The following L1CAM variants were observed in gnomAD, a reference collection of about 807,000 sequenced individuals.
L1CAM encodes the protein neural cell adhesion molecule L1.
Under a neutral mutation model 93.0 loss-of-function variants are expected in L1CAM, and 8 were observed. The ratio of observed to expected loss-of-function variants is 0.09; its 90% CI spans 0.05 to 0.16. The LOEUF is 0.16. L1CAM is among the 10% of genes least tolerant of loss of function. L1CAM has a pLI of 1.00. For missense variants in L1CAM, 777 were observed against 1,073.4 expected, an observed-to-expected ratio of 0.72 and a Z score of 3.86; for synonymous variants, 453 against 453.0, an observed-to-expected ratio of 1.00 and a Z score of 0.00.
chrX:153,863,392 G>A lies in L1CAM; in HGVS notation c.3531-13C>T, dbSNP rs372190403. 8 of 1,209,108 alleles carry A rather than the reference G, an allele frequency of 6.6e-6. No individual in the cohort carries two copies. The highest frequency in any genetic ancestry group is 2.3e-4 in the Middle Eastern group (1 of 4,369). ...CCTCTCCAGGGACCTGAAGTCACCC[G>A]GCAGCACAGAGAAGAGAGAGAGGGG... On this transcript the variant is annotated splice_polypyrimidine_tract_variant and intron_variant, in intron 27 of 28. Transcript: ENST00000370060.
rs782455889 is a variant in L1CAM at position 153,864,579 on chromosome X, G to A, written c.3166+6C>T. On this transcript the variant is annotated splice_donor_region_variant and intron_variant, in intron 24 of 28. Transcript: ENST00000370060. Reference sequence around the variant, plus strand: ...ACCACGCCCCAAGGCCCCCTTTCACGCTTACCTCCCAAGGCTTTGAACAAG... The same window carrying A: ...ACCACGCCCCAAGGCCCCCTTTCACACTTACCTCCCAAGGCTTTGAACAAG... 1.6e-5 allele frequency: 19 copies of A among 1,185,574 alleles called. No individual in the cohort carries two copies. Among genetic ancestry groups the A allele is most frequent in the South Asian group, 3.6e-5 (2 of 56,089 alleles).
intron 1 of L1CAM, among the ~76,000 whole-genome samples, chrX:153,882,039 C>G (rs1211466089): frequency 1.5e-4 from 17 of 111,185 alleles, no homozygotes; most frequent in African/African-American, 4.9e-4. Flanking sequence ...AGGGAGAGGC[C>G]CTGGCCCACA....
chrX:153,875,685 G>C (rs1286700319), intron 2 of L1CAM, 76 bp downstream of exon 2: 1 of 903,988 alleles, frequency 1.1e-6, no homozygotes, highest in Non-Finnish European at 1.6e-6. Flanking sequence ...ACAGGGAGAA[G>C]GTGAGGAGGT....
Position 153,875,840 on chromosome X carries a change from T to C in L1CAM, c.-4A>G, listed in dbSNP as rs2064809670. ...CGTACCGCAGCGCCACGACCATCTTTCCCGGCGGCACCGCGCAGCACAGCC... is the reference window on the plus strand; with the variant it reads ...CGTACCGCAGCGCCACGACCATCTTCCCCGGCGGCACCGCGCAGCACAGCC... On this transcript the variant is annotated 5_prime_UTR_variant, in exon 2 of 29. Transcript: ENST00000370060. 3 of 1,204,330 alleles carry C rather than the reference T, an allele frequency of 2.5e-6. No individual in the cohort carries two copies. The East Asian group carries it at 8.9e-5, about 36-fold the overall frequency.
rs1557089768 is a variant in L1CAM at position 153,863,868 on chromosome X, G to A, written c.3457+15C>T. The A allele has an allele frequency of 1.2e-5, 15 of 1,211,913 alleles. No homozygotes were observed. The highest frequency in any genetic ancestry group is 2.2e-5 in the Admixed American group (1 of 46,139). On this transcript the variant is annotated intron_variant, in intron 26 of 28. Coordinates refer to ENST00000370060, the MANE Select transcript of L1CAM (RefSeq NM_001278116.2). ...CCCTCGGCTCCACCCCCGTCACGTGGGGCTCAGAGGCTACCTGAGTATTTG... is the reference window on the plus strand; with the variant it reads ...CCCTCGGCTCCACCCCCGTCACGTGAGGCTCAGAGGCTACCTGAGTATTTG...
Position 153,870,881 on chromosome X carries a change from G to C in L1CAM, c.603C>G (p.Ser201=), listed in dbSNP as rs782223025. 8 of 1,210,997 alleles carry C rather than the reference G, an allele frequency of 6.6e-6. No individual in the cohort carries two copies. The Middle Eastern group carries it at 1.6e-3, about 243-fold the overall frequency. ...GNLYFANVLT[S]DNHSDYICHA... The stretch of plus-strand genomic sequence containing the variant: ...GGCAGATGTAGTCTGAGTGGTTGTC[G>C]GAGGTGAGCACATTGGCAAAGTAGA... Residue 201 remains serine, a synonymous_variant, in exon 7 of 29, where the codon TCC becomes TCG. Coordinates refer to ENST00000370060, the MANE Select transcript of L1CAM (RefSeq NM_001278116.2).
intron 1 of L1CAM, chrX:153,884,354 G>A (rs2064865966): frequency 2.7e-6 from 2 of 729,151 alleles, no homozygotes; most frequent in African/African-American, 2.2e-5. Flanking sequence ...GCTCAGCAGG[G>A]AGCTGGCAGC....
chrX:153,869,423 G>T, intron 11 of L1CAM, 97 bp downstream of exon 11: 1 of 1,008,846 alleles, frequency 9.9e-7, no homozygotes, highest in Non-Finnish European at 1.4e-6. Flanking sequence ...GTAGGCCGAG[G>T]ACACATCAGC....
intron 28 of L1CAM, 54 bp downstream of exon 28, chrX:153,863,314 C>T (rs782695445): frequency 3.5e-5 from 41 of 1,173,558 alleles, no homozygotes; most frequent in African/African-American, 7.1e-5. Context: ...ACCAGGCGCA[C>T]ATTGTCTATA....
At position 153,875,572 on chromosome X, in the gene L1CAM, G is replaced by T. The variant is rs1037850328; in HGVS notation, c.76+189C>A. The T allele has an allele frequency of 5.8e-6, 3 of 516,760 alleles. No homozygotes were observed. The African/African-American group carries it at 6.9e-5, about 12-fold the overall frequency. The allele number at this position is 516,760 out of a possible 1,213,427, so 42.6% of individuals were successfully genotyped here. A position where few individuals can be genotyped will look rare whatever the true frequency, so the allele number is the denominator to read the frequency against. ...CCTGTCCATGGTCCTGACACGCCCC[G>T]CACCTTCTACCCTGCCCTTCTCTCC... On this transcript the variant is annotated intron_variant, in intron 2 of 28. Transcript: ENST00000370060.
intron 1 of L1CAM, among the ~76,000 whole-genome samples, chrX:153,883,296 A>G (rs1049935152): frequency 9.9e-5 from 11 of 110,852 alleles, no homozygotes; most frequent in Non-Finnish European, 1.9e-5. Context: ...AGGGAGGGCC[A>G]GGCAGGCAGA....
At position 153,862,354 on chromosome X, in the gene L1CAM, C is replaced by T. The variant is rs912778234; in HGVS notation, c.*309G>A. The T allele has an allele frequency of 3.1e-5, 9 of 293,200 alleles. No individual in the cohort carries two copies. The highest frequency in any genetic ancestry group is 1.1e-4 in the African/African-American group (4 of 37,064). 24.2% of individuals were successfully genotyped at this position (293,200 alleles called of 1,213,427 possible). ...TCAGGGAGCAAGAAAGACAGCATTTCGGAGACCCTTTCGGGCCACCCCTAC... is the reference window on the plus strand; with the variant it reads ...TCAGGGAGCAAGAAAGACAGCATTTTGGAGACCCTTTCGGGCCACCCCTAC... On this transcript the variant is annotated 3_prime_UTR_variant, in exon 29 of 29. Transcript: ENST00000370060.
chrX:153,881,978 C>T (rs1171214731), intron 1 of L1CAM, among the ~76,000 whole-genome samples: 1 of 112,013 alleles, frequency 8.9e-6, no homozygotes, highest in African/African-American at 3.2e-5. Flanking sequence ...GCATCCAGTT[C>T]CTGGGGCTGT....
In L1CAM at chrX:153,875,875, C is replaced by T. The variant is rs781994133; in HGVS notation, c.-39G>A. The T allele has an allele frequency of 2.9e-6, 3 of 1,026,805 alleles. No homozygotes were observed. In the East Asian group the frequency reaches 1.5e-4, roughly 51 times the overall value. The allele number at this position is 1,026,805 out of a possible 1,213,427, so 84.6% of individuals were successfully genotyped here. A position where few individuals can be genotyped will look rare whatever the true frequency, so the allele number is the denominator to read the frequency against. ...ACCGCGCAGCACAGCCAGCCGGGCTCGGTTCAGGCTCCGGCCGGAGGGGAA... is the reference window on the plus strand; with the variant it reads ...ACCGCGCAGCACAGCCAGCCGGGCTTGGTTCAGGCTCCGGCCGGAGGGGAA... On this transcript the variant is annotated 5_prime_UTR_variant, in exon 2 of 29. Coordinates refer to ENST00000370060, the MANE Select transcript of L1CAM (RefSeq NM_001278116.2).
chrX:153,869,256 G>T, intron 11 of L1CAM: 1 of 453,893 alleles, frequency 2.2e-6, no homozygotes, highest in Non-Finnish European at 3.8e-6. Context: ...TCCAGGAGAG[G>T]TGCCACCTGG....
intron 2 of L1CAM, among the ~76,000 whole-genome samples, chrX:153,874,612 C>G (rs186833395): frequency 2.0e-4 from 23 of 112,542 alleles, no homozygotes; most frequent in Non-Finnish European, 3.8e-4. Context: ...CCCAGCCTCT[C>G]TCTCGCAGCC....
At chrX:153,864,773 C>T (rs2064696129) in intron 23 of L1CAM, 48 bp downstream of exon 23, 4 of 1,211,711 alleles carry the variant, frequency 3.3e-6, no homozygotes, top group Non-Finnish European at 4.5e-6. Flanking sequence ...CCCTCCTGGA[C>T]CCGGCTGGCC....
At chrX:153,873,132 C>T in intron 3 of L1CAM, 96 bp downstream of exon 3, 6 of 874,013 alleles carry the variant, frequency 6.9e-6, no homozygotes, top group Admixed American at 4.4e-5. Context: ...AGCAGGGCCC[C>T]GGCACTCAGG....
chrX:153,885,874 C>T (rs1263303162), intron 1 of L1CAM, 191 bp downstream of exon 1: 28 of 816,224 alleles, frequency 3.4e-5, no homozygotes, highest in African/African-American at 4.6e-5. Context: ...ATCCCTCCCC[C>T]GCCCCGCTTA....
Sources: allele counts gnomAD v4.1 joint callset (sites outside exome capture counted in the v4.1 genomes callset), GRCh38; gene constraint gnomAD v4.1.1; transcripts MANE v1.5; gene names NCBI Gene and HGNC (gene_info 2026-07-23, HGNC 2026-07-21).